The following CLIP2 variants were observed in gnomAD, a reference collection of about 807,000 sequenced individuals.
The protein encoded by CLIP2 is CAP-Gly domain containing linker protein 2, also known as CAP-Gly domain-containing linker protein 2.
In CLIP2, 41 loss-of-function variants were observed where a neutral mutation model predicts 111.7. The ratio of observed to expected loss-of-function variants is 0.37; its 90% confidence interval spans 0.29 to 0.48. CLIP2 has a LOEUF of 0.48. CLIP2 is among the 20% of genes least tolerant of loss of function. The pLI, the probability that CLIP2 is intolerant of heterozygous loss-of-function variation, is 0.99. For synonymous variants in CLIP2, 660 were observed against 644.2 expected (o/e 1.02, Z -0.37); for missense variants, 1,160 against 1,422.1 (o/e 0.82, Z 2.96).
rs782497560 is a variant in CLIP2 at position 74,317,681 on chromosome 7, C to A, written c.121+14C>A. ...GCTCCAAGGAAGGTACGTGGCACAC[C>A]AAGGATGGGGGGTGAGGGGACTGGC... On this transcript the variant is annotated intron_variant, in intron 2 of 16. Transcript: ENST00000223398. The A allele has an allele frequency of 1.0e-5, 15 of 1,438,948 alleles. No homozygotes were observed. The highest frequency in any genetic ancestry group is 3.8e-4 in the Middle Eastern group (2 of 5,330). 89.1% of individuals were successfully genotyped at this position (1,438,948 alleles called of 1,614,324 possible).
intron 4 of CLIP2, among the ~76,000 whole-genome samples, chr7:74,355,134 C>T (rs1313439919): frequency 6.6e-6 from 1 of 152,172 alleles, no homozygotes; most frequent in Non-Finnish European, 1.5e-5. Context: ...CTGCTTTGAG[C>T]AGGAGTGGTC....
intron 10 of CLIP2, among the ~76,000 whole-genome samples, chr7:74,378,184 G>A (rs543236262): frequency 2.6e-5 from 4 of 151,814 alleles, no homozygotes; most frequent in Non-Finnish European, 4.4e-5. Flanking sequence ...CTGGAGTGCA[G>A]TGGCATGATC....
At chr7:74,341,446 T>A (rs1789656776) in intron 3 of CLIP2, among the ~76,000 whole-genome samples, 1 of 152,006 alleles carries the variant, frequency 6.6e-6, no homozygotes, top group Non-Finnish European at 1.5e-5. Context: ...CCCAAAGTGG[T>A]GGGATTACAG....
At chr7:74,291,923 CTTTTTT>C (rs782577666) in intron 1 of CLIP2, among the ~76,000 whole-genome samples, 97 of 132,846 alleles carry the variant, frequency 7.3e-4, no homozygotes, top group Middle Eastern at 3.9e-3. Flanking sequence ...ATCCTGCCCT[CTTTTTT>C]TTTTTTTTTT....
chr7:74,399,134 T>TGCTGAAGGATGGAGTTTGA (rs1791542476), intron 14 of CLIP2, among the ~76,000 whole-genome samples: 1 of 22,460 alleles, frequency 4.5e-5, no homozygotes, highest in South Asian at 1.3e-3. Context: ...ATGGAGTTTG[T>TGCTGAAGGATGGAGTTTGA]GCAGGAGCGA....
At chr7:74,347,603 G>A (rs540085513) in intron 3 of CLIP2, among the ~76,000 whole-genome samples, 3 of 152,248 alleles carry the variant, frequency 2.0e-5, no homozygotes, top group Admixed American at 6.6e-5. Flanking sequence ...TTACCCCCAC[G>A]CGGCTCCCTG....
intron 8 of CLIP2, among the ~76,000 whole-genome samples, chr7:74,372,524 G>A (rs1790657841): frequency 6.6e-6 from 1 of 152,002 alleles, no homozygotes; most frequent in South Asian, 2.1e-4. Context: ...AACGGGAACA[G>A]GATGGGCCCC....
At chr7:74,400,157 A>C (rs1554317301) in intron 14 of CLIP2, among the ~76,000 whole-genome samples, 1 of 151,042 alleles carries the variant, frequency 6.6e-6, no homozygotes, top group African/African-American at 2.4e-5. Context: ...CTCAAAAAAA[A>C]AAAAAAAAAA....
intron 11 of CLIP2, among the ~76,000 whole-genome samples, chr7:74,384,441 A>ATT (rs533449196): frequency 0.022 from 2,161 of 98,404 alleles, 215 homozygotes; most frequent in African/African-American, 0.079. Context: ...AGGTCATATG[A>ATT]TTTTTTTTTT....
At chr7:74,319,457 G>A (rs551741248) in intron 2 of CLIP2, among the ~76,000 whole-genome samples, 1 of 152,154 alleles carries the variant, frequency 6.6e-6, no homozygotes, top group South Asian at 2.1e-4. Context: ...ACAGTGAGCC[G>A]AGCTCATGCC....
intron 2 of CLIP2, among the ~76,000 whole-genome samples, chr7:74,321,721 G>T (rs1338059984): frequency 6.6e-6 from 1 of 151,710 alleles, no homozygotes. Context: ...CCCCGCCTTG[G>T]CCCCCCAAAG....
intron 9 of CLIP2, among the ~76,000 whole-genome samples, chr7:74,373,995 G>T (rs1554312357): frequency 6.6e-6 from 1 of 150,660 alleles, no homozygotes; most frequent in Non-Finnish European, 1.5e-5. Context: ...GCATGGTTCT[G>T]AGTCCCTGCT....
intron 8 of CLIP2, among the ~76,000 whole-genome samples, chr7:74,368,386 G>A (rs1790515934): frequency 6.6e-6 from 1 of 151,854 alleles, no homozygotes; most frequent in African/African-American, 2.4e-5. Flanking sequence ...GCCTGGTGGT[G>A]GGCGCCTGTA....
chr7:74,358,331 G>A (rs571879173), intron 6 of CLIP2, among the ~76,000 whole-genome samples: 1 of 152,032 alleles, frequency 6.6e-6, no homozygotes, highest in African/African-American at 2.4e-5. Context: ...GATTACAGGT[G>A]TGAGCCACCA....
At chr7:74,372,739 G>A (rs1225745794) in intron 8 of CLIP2, among the ~76,000 whole-genome samples, 193 bp from the exon 9 acceptor site, 1 of 141,838 alleles carries the variant, frequency 7.1e-6, no homozygotes, top group Non-Finnish European at 1.5e-5. Context: ...CACACCCCTC[G>A]CCTCCCCAGA....
chr7:74,400,015 C>G (rs1371873367), intron 14 of CLIP2, among the ~76,000 whole-genome samples: 1 of 151,398 alleles, frequency 6.6e-6, no homozygotes, highest in Non-Finnish European at 1.5e-5. Flanking sequence ...ATTAGCGGGG[C>G]GTGGTGGTGG....
chr7:74,321,764 G>A (rs1024955851), intron 2 of CLIP2, among the ~76,000 whole-genome samples: 1 of 151,662 alleles, frequency 6.6e-6, no homozygotes, highest in Admixed American at 6.6e-5. Context: ...CACCGCGCCT[G>A]GCCTTTATTT....
rs372303303 is a variant in CLIP2, at chr7:74,390,530, A to G, written c.2720+1271A>G. ...CCAAAAACACAAAATTTAGCTGGGCATAGTAGCATACATCTGTAATCCCAG... is the reference window on the plus strand; with the variant it reads ...CCAAAAACACAAAATTTAGCTGGGCGTAGTAGCATACATCTGTAATCCCAG... On this transcript the variant is annotated intron_variant, in intron 13 of 16. Coordinates refer to ENST00000223398, the MANE Select transcript of CLIP2 (RefSeq NM_003388.5). Among the ~76,000 whole-genome samples the G allele has an allele frequency of 2.0e-5, 3 of 151,688 alleles. No individual in the cohort carries two copies. In the East Asian group the frequency reaches 5.8e-4, roughly 30 times the overall value.
Position 74,376,029 on chromosome 7 carries a change from T to TGCGGCTACGGGAGCGGCTGCTC in CLIP2, c.1629_1650dup (p.Ser551AlafsTer23). On this transcript the variant is annotated frameshift_variant, in exon 10 of 17. Coordinates refer to ENST00000223398, the MANE Select transcript of CLIP2 (RefSeq NM_003388.5). LOFTEE classifies it high-confidence loss of function. The surrounding 1 kb of genome is among the most constrained non-coding windows in gnomAD (Gnocchi z 7.1). ...GACCACCCAGACGCCGCCGAGATCC[T>TGCGGCTACGGGAGCGGCTGCTC]GCGGCTACGGGAGCGGCTGCTCTCG... The TGCGGCTACGGGAGCGGCTGCTC allele has an allele frequency of 6.2e-7, 1 of 1,613,022 alleles. No individual in the cohort carries two copies. Among genetic ancestry groups the TGCGGCTACGGGAGCGGCTGCTC allele is most frequent in the Non-Finnish European group, 8.5e-7 (1 of 1,179,948 alleles).
Sources: gnomAD v4.1 joint callset for allele counts (sites outside exome capture counted in the v4.1 genomes callset) on GRCh38, gnomAD v4.1.1 for gene constraint, Gnocchi (gnomAD v3.1) non-coding constraint, MANE v1.5 for transcripts, NCBI Gene and HGNC (gene_info 2026-07-23, HGNC 2026-07-21) for gene names.